Variants in DGKD observed in about 807,000 individuals in gnomAD.
DGKD encodes diacylglycerol kinase delta, also known as DAG kinase delta.
In DGKD, 68 loss-of-function variants were observed where a neutral mutation model predicts 154.4. The observed-to-expected ratio is 0.44, with a 90% CI of 0.36 to 0.54. The LOEUF is 0.54. DGKD is among the 20% of genes least tolerant of loss of function. DGKD has a pLI of 0.00. For missense variants in DGKD, 1,343 were observed against 1,593.6 expected, an observed-to-expected ratio of 0.84 and a Z score of 2.68; for synonymous variants, 693 against 638.0, an observed-to-expected ratio of 1.09 and a Z score of -1.30.
chr2:233,410,496 A>C (rs1285016923), intron 3 of DGKD, among the ~76,000 whole-genome samples: 1 of 152,196 alleles, frequency 6.6e-6, no homozygotes, highest in Non-Finnish European at 1.5e-5. Flanking sequence ...ATATCTAATC[A>C]CACCAATGAA....
intron 26 of DGKD, 97 bp downstream of exon 26, chr2:233,462,832 A>T (rs2063693813): frequency 1.8e-6 from 2 of 1,104,660 alleles, no homozygotes; most frequent in Non-Finnish European, 2.7e-6. Context: ...ACTTTAGTCC[A>T]GAGTTCCCGG....
chr2:233,455,749 C>T lies in DGKD; in HGVS notation c.2375+876C>T, dbSNP rs371483581. Among the ~76,000 whole-genome samples the T allele has an allele frequency of 1.0e-4, 16 of 152,390 alleles. No individual in the cohort carries two copies. In the East Asian group the frequency reaches 2.3e-3, roughly 22 times the overall value. ...CGCCCTCCTCATGGCGTCACTGCCA[C>T]CTTGCGGGGAGCCATGCTGACACCT... is the stretch of plus-strand genomic sequence containing the variant. On this transcript the variant is annotated intron_variant, in intron 19 of 29. Coordinates refer to ENST00000264057, the MANE Select transcript of DGKD (RefSeq NM_152879.3).
rs559947123 is a variant in DGKD at position 233,461,231 on chromosome 2, C to A, written c.2981+886C>A. Among the ~76,000 whole-genome samples the A allele has an allele frequency of 3.9e-5, 6 of 152,344 alleles. No individual in the cohort carries two copies. The East Asian group carries it at 9.7e-4, about 25-fold the overall frequency. On this transcript the variant is annotated intron_variant, in intron 24 of 29. Coordinates refer to ENST00000264057, the MANE Select transcript of DGKD (RefSeq NM_152879.3). The stretch of plus-strand genomic sequence containing the variant: ...GCGGGGCCTGCCTGCATTCTCCCCC[C>A]GTGGCCGCACGCTGGCTGGTGCCCT...
chr2:233,402,424 A>G (rs1393477377), intron 3 of DGKD, among the ~76,000 whole-genome samples: 3 of 152,150 alleles, frequency 2.0e-5, no homozygotes, highest in East Asian at 1.9e-4. Context: ...GCTCAAGGCC[A>G]TGGAGTGTCT....
chr2:233,448,734 C>T lies in DGKD; in HGVS notation c.1614+359C>T, dbSNP rs1314977068. 2.0e-5 allele frequency among the ~76,000 whole-genome samples: 3 copies of T among 152,148 alleles called. No homozygotes were observed. The East Asian group carries it at 5.8e-4, about 29-fold the overall frequency. ...AGTCTGATTGGTGGCAGAAAGCAGC[C>T]AACCAGAGGCTGAAGTGGTTACAAA... On this transcript the variant is annotated intron_variant, in intron 14 of 29. Coordinates refer to ENST00000264057, the MANE Select transcript of DGKD (RefSeq NM_152879.3).
Position 233,471,061 on chromosome 2 carries a change from TCCCCTCTGC to T in DGKD, c.*1602_*1610del, listed in dbSNP as rs2063997966. On this transcript the variant is annotated 3_prime_UTR_variant, in exon 30 of 30. Transcript: ENST00000264057. ...CCACCTCCCACTCACAGCCCCTCTG[TCCCCTCTGC>T]AGTGCACCCAGGTGGGCCCCTCTGC... 6.6e-6 allele frequency: 1 copy of T among 152,378 alleles called. No homozygotes were observed. The highest frequency in any genetic ancestry group is 1.5e-5 in the Non-Finnish European group (1 of 68,194). The allele number at this position is 152,378 out of a possible 1,614,324, so 9.4% of individuals were successfully genotyped here.
At chr2:233,447,864 TG>T in intron 12 of DGKD, 11 of 1,378,980 alleles carry the variant, frequency 8.0e-6, no homozygotes, top group Non-Finnish European at 1.0e-5. Context: ...GCAGTTTGCC[TG>T]CAGCTTGACG....
chr2:233,459,972 C>G lies in DGKD; in HGVS notation c.2829+81C>G. ...TTGTGTGCACTGTTAAGAGCTGGAG[C>G]TTTTTGTGTTTTGTTCTAGGATTTT... On this transcript the variant is annotated intron_variant, in intron 23 of 29. Transcript: ENST00000264057. This position sits in a 1 kb window ranked among gnomAD's most constrained non-coding sequence, Gnocchi z 5.7. 2 of 1,504,102 alleles carry G rather than the reference C, an allele frequency of 1.3e-6. No individual in the cohort carries two copies. The highest frequency in any genetic ancestry group is 1.3e-5 in the South Asian group (1 of 74,288). The allele number at this position is 1,504,102 out of a possible 1,614,324, so 93.2% of individuals were successfully genotyped here.
At chr2:233,456,613 T>C (rs949370125) in intron 19 of DGKD, among the ~76,000 whole-genome samples, 3 of 152,244 alleles carry the variant, frequency 2.0e-5, no homozygotes, top group Non-Finnish European at 4.4e-5. Flanking sequence ...GTAGAAGTTT[T>C]TTTATAGGGT....
chr2:233,453,086 G>A (rs2063340229), intron 18 of DGKD, among the ~76,000 whole-genome samples: 1 of 152,294 alleles, frequency 6.6e-6, no homozygotes, highest in East Asian at 1.9e-4. Flanking sequence ...TGTCCCTAGA[G>A]GCCCCTGAAC....
Position 233,373,822 on chromosome 2 carries a change from A to G in DGKD, c.157-14435A>G, listed in dbSNP as rs190677951. Reference sequence around the variant, plus strand: ...AGATGTAAACTGTTTGATGCGTGCAATGTTATCAGTTCTTTAGATAATGTT... The same window carrying G: ...AGATGTAAACTGTTTGATGCGTGCAGTGTTATCAGTTCTTTAGATAATGTT... On this transcript the variant is annotated intron_variant, in intron 1 of 29. Transcript: ENST00000264057. Among the ~76,000 whole-genome samples the G allele has an allele frequency of 2.2e-4, 23 of 103,686 alleles. No individual in the cohort carries two copies. In the East Asian group the frequency reaches 3.4e-3, roughly 15 times the overall value. The allele number at this position is 103,686 out of a possible 152,430, so 68.0% of individuals were successfully genotyped here.
At position 233,442,288 on chromosome 2, in the gene DGKD, G is replaced by A. The variant is rs926131661; in HGVS notation, c.1194+293G>A. ...CACATGGGGAGCAGGGCTGGGTGGG[G>A]CTGTTGCTTTACTGGGTAATTTTTG... On this transcript the variant is annotated intron_variant, in intron 10 of 29. Coordinates refer to ENST00000264057, the MANE Select transcript of DGKD (RefSeq NM_152879.3). 5.6e-6 allele frequency: 3 copies of A among 532,698 alleles called. No homozygotes were observed. In the African/African-American group the frequency reaches 5.7e-5, roughly 10 times the overall value. 33.0% of individuals were successfully genotyped at this position (532,698 alleles called of 1,614,324 possible).
rs1701873124 is a variant in DGKD, at chr2:233,363,349, A to G, written c.156+8675A>G. Among the ~76,000 whole-genome samples the G allele has an allele frequency of 2.6e-5, 4 of 152,304 alleles. No homozygotes were observed. The South Asian group carries it at 8.3e-4, about 32-fold the overall frequency. ...TTTAAGAAGTAAAATAATTAAAAAAATTAAAAATAGAAAAAAGGTTATAGA... is the reference window on the plus strand; with the variant it reads ...TTTAAGAAGTAAAATAATTAAAAAAGTTAAAAATAGAAAAAAGGTTATAGA... On this transcript the variant is annotated intron_variant, in intron 1 of 29. Transcript: ENST00000264057.
At chr2:233,388,737 G>GTTTT (rs1703366874) in intron 2 of DGKD, 2 of 123,408 alleles carry the variant, frequency 1.6e-5, no homozygotes, top group African/African-American at 6.3e-5. Flanking sequence ...GTATATTGAA[G>GTTTT]TTCTTTTTTT....
chr2:233,433,066 G>A (rs1443147663), intron 3 of DGKD, among the ~76,000 whole-genome samples: 2 of 152,210 alleles, frequency 1.3e-5, no homozygotes, highest in Non-Finnish European at 2.9e-5. Context: ...CAATTACCGT[G>A]TGATCCAGCA....
intron 3 of DGKD, among the ~76,000 whole-genome samples, chr2:233,408,343 G>A (rs1302595557): frequency 6.6e-6 from 1 of 152,238 alleles, no homozygotes. Context: ...CAGAGAAACT[G>A]TATATAATTG....
chr2:233,388,431 G>A, intron 2 of DGKD, 64 bp downstream of exon 2: 1 of 1,497,982 alleles, frequency 6.7e-7, no homozygotes, highest in Non-Finnish European at 9.0e-7. Flanking sequence ...GGGAGGAACT[G>A]GGGGTGCTGA....
chr2:233,384,593 T>C (rs1431710184), intron 1 of DGKD, among the ~76,000 whole-genome samples: 1 of 152,134 alleles, frequency 6.6e-6, no homozygotes, highest in East Asian at 1.9e-4. Flanking sequence ...TTTGGAGGCA[T>C]CCAGGATTTC....
Position 233,450,112 on chromosome 2 carries a change from G to A in DGKD, c.2019G>A (p.Lys673=). ...ACAGCGAGAGCTTCGGGGTCCCCAAGGGGAGGAGCCAGCGCAAAGGTACTT... is the reference window on the plus strand; with the variant it reads ...ACAGCGAGAGCTTCGGGGTCCCCAAAGGGAGGAGCCAGCGCAAAGGTACTT... The part of the protein sequence containing the change: ...LSHSESFGVP[K]GRSQRKVSKS... Residue 673 remains lysine, a synonymous_variant, in exon 16 of 30, where the codon AAG becomes AAA. Transcript: ENST00000264057. 6.2e-7 allele frequency: 1 copy of A among 1,612,558 alleles called. No individual in the cohort carries two copies. The highest frequency in any genetic ancestry group is 8.5e-7 in the Non-Finnish European group (1 of 1,179,266).
Sources: gnomAD v4.1 joint callset for allele counts (sites outside exome capture counted in the v4.1 genomes callset) on GRCh38, gnomAD v4.1.1 for gene constraint, Gnocchi (gnomAD v3.1) non-coding constraint, MANE v1.5 for transcripts, NCBI Gene and HGNC (gene_info 2026-07-23, HGNC 2026-07-21) for gene names.